The following HIGD1B variants were observed in gnomAD, a reference collection of about 807,000 sequenced individuals.
HIGD1B encodes the protein HIG1 domain family member 1B.
A neutral mutation model predicts 8.8 loss-of-function variants in HIGD1B; 9 were observed. That is an observed-to-expected ratio of 1.02 (90% CI 0.62 to 1.78). HIGD1B has a LOEUF of 1.78. Ranked by LOEUF, HIGD1B falls within the 40% of genes most tolerant of loss-of-function variation. The probability of loss-of-function intolerance (pLI) is 0.00; values close to 1 mark genes in which losing one functional copy is unlikely to be tolerated. For missense variants in HIGD1B, 126 were observed against 111.8 expected (o/e 1.13, Z -0.57); for synonymous variants, 47 against 38.8 (o/e 1.21, Z -0.78).
At chr17:44,848,856 A>G (rs2050366711) in intron 1 of HIGD1B, among the ~76,000 whole-genome samples, 1 of 151,890 alleles carries the variant, frequency 6.6e-6, no homozygotes, top group South Asian at 2.1e-4. Flanking sequence ...GTTCACCACA[A>G]CCCCTGCCTC....
At chr17:44,845,032 C>T (rs1189710123), upstream of HIGD1B, among the ~76,000 whole-genome samples, 5 of 151,400 alleles carry the variant, frequency 3.3e-5, no homozygotes, top group Admixed American at 1.3e-4. Flanking sequence ...CCGAGGTGGG[C>T]GGATCACCTG....
At chr17:44,849,126 C>T (rs760585588) in intron 1 of HIGD1B, 128 bp from the exon 2 acceptor site, 1 of 1,152,880 alleles carries the variant, frequency 8.7e-7, no homozygotes, top group East Asian at 2.5e-5. Flanking sequence ...ACGCCCACCC[C>T]CCGCCACCAG....
At chr17:44,849,539 A>G in intron 2 of HIGD1B, 151 bp downstream of exon 2, 1 of 832,210 alleles carries the variant, frequency 1.2e-6, no homozygotes. Context: ...AGGCGGGCAG[A>G]TCATGAGGTC....
At chr17:44,849,001 C>G (rs780915008) in intron 1 of HIGD1B, 1 of 388,202 alleles carries the variant, frequency 2.6e-6, no homozygotes, top group Non-Finnish European at 4.7e-6. Context: ...TCTCAAACTC[C>G]CAACTTCAGG....
At position 44,849,313 on chromosome 17, in the gene HIGD1B, TCCA is replaced by T. The variant is rs1209251132; in HGVS notation, c.164_166del (p.Thr55del). 1.9e-6 allele frequency: 3 copies of T among 1,613,978 alleles called. No homozygotes were observed. The highest frequency in any genetic ancestry group is 1.3e-5 in the African/African-American group (1 of 74,910). ...GATTTACCGGCTGAGGTCTCGTGGT[TCCA>T]CCAAGATGTCCATACACCTGATTCA... On this transcript the variant is annotated inframe_deletion, in exon 2 of 3. Coordinates refer to ENST00000253410, the MANE Select transcript of HIGD1B (RefSeq NM_016438.4).
intron 1 of HIGD1B, among the ~76,000 whole-genome samples, chr17:44,848,650 GTGAT>G (rs1387850944): frequency 1.5e-4 from 8 of 53,644 alleles, no homozygotes; most frequent in Non-Finnish European, 3.2e-4. Context: ...CTGTGTCGTG[GTGAT>G]CAGCTATTTG....
At chr17:44,848,286 A>C (rs2050347963) in intron 1 of HIGD1B, 34 bp downstream of exon 1, 3 of 863,158 alleles carry the variant, frequency 3.5e-6, no homozygotes, top group South Asian at 1.3e-5. Flanking sequence ...GCCGAGTAGG[A>C]GGCCTTCTCT....
chr17:44,850,246 A>C, intron 2 of HIGD1B, 86 bp from the exon 3 acceptor site: 1 of 1,008,844 alleles, frequency 9.9e-7, no homozygotes, highest in Non-Finnish European at 1.5e-6. Flanking sequence ...GGGAGCAGCT[A>C]GAGGTGAACC....
chr17:44,850,282 C>T (rs2231648), intron 2 of HIGD1B, 50 bp from the exon 3 acceptor site: 103,091 of 1,483,050 alleles, frequency 0.07, 4,110 homozygotes, highest in Non-Finnish European at 0.082. Context: ...AGCCAGAGGA[C>T]GGGTGAAGGG....
At chr17:44,845,635 A>C (rs916262351), upstream of HIGD1B, among the ~76,000 whole-genome samples, 1 of 151,828 alleles carries the variant, frequency 6.6e-6, no homozygotes, top group African/African-American at 2.4e-5. Flanking sequence ...AAAACAAAAC[A>C]AAAAACCCCA....
intron 1 of HIGD1B, 132 bp from the exon 2 acceptor site, chr17:44,849,122 A>ACCC: frequency 2.8e-6 from 2 of 719,838 alleles, no homozygotes; most frequent in Non-Finnish European, 4.2e-6. Flanking sequence ...CGCAACGCCC[A>ACCC]CCCCCCGCCA....
upstream of HIGD1B, among the ~76,000 whole-genome samples, chr17:44,846,960 C>A (rs1266017622): frequency 6.6e-6 from 1 of 151,470 alleles, no homozygotes; most frequent in Non-Finnish European, 1.5e-5. Context: ...AGGGTAAGAC[C>A]CCGTCTCTAC....
chr17:44,847,305 C>T (rs889039212), upstream of HIGD1B, among the ~76,000 whole-genome samples: 2 of 152,028 alleles, frequency 1.3e-5, no homozygotes, highest in African/African-American at 2.4e-5. Context: ...CGGTGGCGGG[C>T]GCCTGTAGTC....
rs543561327 is a variant in HIGD1B at position 44,848,212 on chromosome 17, G to T, written c.60G>T (p.Lys20Asn). 3.3e-5 allele frequency: 29 copies of T among 872,950 alleles called. No individual in the cohort carries two copies. The South Asian group carries it at 3.4e-4, about 10-fold the overall frequency. 54.1% of individuals were successfully genotyped at this position (872,950 alleles called of 1,614,324 possible). A position where few individuals can be genotyped will look rare whatever the true frequency, so the allele number is the denominator to read the frequency against. ...PPDDEDCVSE[K>N]LLRKTRESPL... ...ACGACGAAGACTGTGTGTCTGAGAA[G>T]CTCCTGAGGAAGACTCGGGAATCTC... The change falls in exon 1 of 3, where the codon AAG (lysine) becomes AAT (asparagine). Residue 20 changes from lysine (K) to asparagine (N), a missense_variant. By Grantham distance (94) the Lys-to-Asn change is moderately conservative. Coordinates refer to ENST00000253410, the MANE Select transcript of HIGD1B (RefSeq NM_016438.4).
chr17:44,848,297 G>A (rs1214105537), intron 1 of HIGD1B, 45 bp downstream of exon 1: 1 of 850,628 alleles, frequency 1.2e-6, no homozygotes. Context: ...GGCCTTCTCT[G>A]TCATGTCTCC....
At chr17:44,849,758 C>CAAAAAAAAAAAAAAAAA (rs61617877) in intron 2 of HIGD1B, among the ~76,000 whole-genome samples, 1 of 52,552 alleles carries the variant, frequency 1.9e-5, no homozygotes, top group African/African-American at 6.9e-5. Context: ...GACTCTGTCT[C>CAAAAAAAAAAAAAAAAA]AAAAAAAAAA....
chr17:44,849,144 A>G, intron 1 of HIGD1B, 110 bp from the exon 2 acceptor site: 2 of 1,243,090 alleles, frequency 1.6e-6, no homozygotes, highest in South Asian at 1.4e-5. Context: ...CAGATGCTGC[A>G]TAAAACCAGC....
intron 2 of HIGD1B, 120 bp downstream of exon 2, chr17:44,849,508 TCTC>T: frequency 8.4e-7 from 1 of 1,196,800 alleles, no homozygotes; most frequent in Non-Finnish European, 1.2e-6. Flanking sequence ...ACGCCTGTAA[TCTC>T]AACACTTTGG....
chr17:44,849,500 G>C (rs559007031), intron 2 of HIGD1B, 112 bp downstream of exon 2: 1 of 1,276,162 alleles, frequency 7.8e-7, no homozygotes, highest in East Asian at 2.5e-5. Context: ...GGTGGTTCAC[G>C]CCTGTAATCT....
Sources: gnomAD v4.1 joint callset for allele counts (sites outside exome capture counted in the v4.1 genomes callset) on GRCh38, gnomAD v4.1.1 for gene constraint, MANE v1.5 for transcripts, NCBI Gene and HGNC (gene_info 2026-07-23, HGNC 2026-07-21) for gene names.